Variants in TEX26 observed in about 807,000 individuals in gnomAD.
The protein encoded by TEX26 is testis expressed 26.
TEX26 carries 34 observed loss-of-function variants against 35.3 expected under a neutral mutation model. That is an observed-to-expected ratio of 0.96 (90% confidence interval 0.73 to 1.28). The LOEUF (loss-of-function observed/expected upper bound fraction) is 1.28. Among genes scored for constraint, TEX26 ranks in the 50% most tolerant of loss-of-function variants. The pLI is 0.00. For synonymous variants in TEX26, 136 were observed against 111.8 expected (o/e 1.22, Z -1.36); for missense variants, 371 against 330.1 (o/e 1.12, Z -0.96).
At chr13:30,955,093 G>T in intron 3 of TEX26, among the ~76,000 whole-genome samples, 1 of 124,448 alleles carries the variant, frequency 8.0e-6, no homozygotes, top group East Asian at 2.1e-4. Context: ...CTAATCTTTT[G>T]GCTTCCCTGG....
chr13:30,948,695 GTTCACTCTGATGGTGGT>G (rs1953809270), intron 2 of TEX26, among the ~76,000 whole-genome samples: 1 of 152,104 alleles, frequency 6.6e-6, no homozygotes, highest in African/African-American at 2.4e-5. Context: ...TAGGTTGCCT[GTTCACTCTGATGGTGGT>G]TTCTTTTGCT....
At chr13:30,937,784 A>T (rs1172876704) in intron 1 of TEX26, among the ~76,000 whole-genome samples, 1 of 152,158 alleles carries the variant, frequency 6.6e-6, no homozygotes, top group Admixed American at 6.5e-5. Flanking sequence ...TCTTAAGTGG[A>T]GGTAGAACTT....
intron 4 of TEX26, among the ~76,000 whole-genome samples, chr13:30,964,434 G>A (rs1245377107): frequency 3.3e-5 from 5 of 152,144 alleles, no homozygotes; most frequent in African/African-American, 9.7e-5. Flanking sequence ...TTGTCTTAAG[G>A]TAGAACAATG....
chr13:30,969,410 T>A (rs1954644823), intron 6 of TEX26, among the ~76,000 whole-genome samples: 1 of 152,248 alleles, frequency 6.6e-6, no homozygotes. Flanking sequence ...TTTTGTCTAA[T>A]CTTTATTTTC....
intron 4 of TEX26, among the ~76,000 whole-genome samples, chr13:30,958,001 G>C (rs1219346403): frequency 6.6e-6 from 1 of 152,212 alleles, no homozygotes; most frequent in Non-Finnish European, 1.5e-5. Context: ...TCCTTTGTTA[G>C]AGATGAAAAG....
Position 30,974,985 on chromosome 13 carries a change from A to G in TEX26, c.*78A>G. The G allele has an allele frequency of 2.9e-6, 3 of 1,022,910 alleles. No individual in the cohort carries two copies. The allele number at this position is 1,022,910 out of a possible 1,614,324, so 63.4% of individuals were successfully genotyped here. ...GACATTCCTAGTCATTTTCTCAATTATCAAGGAAAAATAAGATGCAAATAG... is the reference window on the plus strand; with the variant it reads ...GACATTCCTAGTCATTTTCTCAATTGTCAAGGAAAAATAAGATGCAAATAG... On this transcript the variant is annotated 3_prime_UTR_variant, in exon 7 of 7. Transcript: ENST00000380473.
At chr13:30,937,439 G>C (rs949086632) in intron 1 of TEX26, among the ~76,000 whole-genome samples, 24 of 152,180 alleles carry the variant, frequency 1.6e-4, no homozygotes, top group African/African-American at 5.3e-4. Context: ...TTTATGTGTG[G>C]CTTTTGTGCA....
At chr13:30,938,349 T>C (rs2313006) in intron 1 of TEX26, among the ~76,000 whole-genome samples, 53,310 of 152,058 alleles carry the variant, frequency 0.35, 9,419 homozygotes, top group East Asian at 0.45. Context: ...GAATACTACA[T>C]ACTGGGTAAT....
rs144761628 is a variant in TEX26 at position 30,968,946 on chromosome 13, C to T, written c.708C>T (p.Tyr236=). The T allele has an allele frequency of 2.5e-6, 4 of 1,613,980 alleles. No homozygotes were observed. The highest frequency in any genetic ancestry group is 3.4e-6 in the Non-Finnish European group (4 of 1,179,994). Residue 236 remains tyrosine, a synonymous_variant, in exon 6 of 7, where the codon TAC becomes TAT. Transcript: ENST00000380473. The part of the protein sequence containing the change: ...NQEHTKKQTT[Y]QSDYDKTYPD... The stretch of plus-strand genomic sequence containing the variant: ...AGCACACAAAGAAACAGACCACATA[C>T]CAAAGTGACTACGACAAAACCTACC...
chr13:30,968,877 T>G lies in TEX26; in HGVS notation c.647-8T>G. On this transcript the variant is annotated splice_polypyrimidine_tract_variant and splice_region_variant and intron_variant, in intron 5 of 6. Transcript: ENST00000380473. ...TTCCGACCTCTCCTCCCCTGTGTAT[T>G]TCTATAGTGCCTTCTGTGCTGCACA... The G allele has an allele frequency of 6.2e-7, 1 of 1,611,850 alleles. No individual in the cohort carries two copies. Among genetic ancestry groups the G allele is most frequent in the East Asian group, 2.2e-5 (1 of 44,862 alleles).
chr13:30,952,718 C>G lies in TEX26; in HGVS notation c.205C>G (p.Gln69Glu), dbSNP rs373675908. 10 of 1,611,810 alleles carry G rather than the reference C, an allele frequency of 6.2e-6. No individual in the cohort carries two copies. In the East Asian group the frequency reaches 1.6e-4, roughly 25 times the overall value. ...TTCACTTAGTGATCCTATTCTCAAT[C>G]AGACACAATATAGTGATGAGTACAC... is the stretch of plus-strand genomic sequence containing the variant. ...TYSLSDPILN[Q>E]TQYSDEYTWK... Residue 69 changes from glutamine (Q) to glutamate (E), a missense_variant, in exon 3 of 7, where the codon CAG becomes GAG. Coordinates refer to ENST00000380473, the MANE Select transcript of TEX26 (RefSeq NM_152325.3).
At chr13:30,951,908 C>T (rs1289586085) in intron 2 of TEX26, among the ~76,000 whole-genome samples, 1 of 146,568 alleles carries the variant, frequency 6.8e-6, no homozygotes, top group Non-Finnish European at 1.5e-5. Context: ...TTGTCTCTTA[C>T]CTCATTTAAT....
intron 2 of TEX26, among the ~76,000 whole-genome samples, chr13:30,942,441 C>A (rs917651213): frequency 2.0e-4 from 30 of 152,000 alleles, no homozygotes; most frequent in Admixed American, 1.3e-4. Flanking sequence ...TCACAGTTTG[C>A]AAATATTTTT....
chr13:30,973,807 G>C (rs1954788117), intron 6 of TEX26, among the ~76,000 whole-genome samples: 1 of 152,036 alleles, frequency 6.6e-6, no homozygotes, highest in Admixed American at 6.6e-5. Context: ...GGTGATAACT[G>C]CTGGGAGTGA....
chr13:30,936,289 G>A (rs747838708), intron 1 of TEX26, among the ~76,000 whole-genome samples: 1 of 152,136 alleles, frequency 6.6e-6, no homozygotes, highest in Admixed American at 6.5e-5. Flanking sequence ...ACATCCAGTG[G>A]ATTGTCAAGG....
intron 1 of TEX26, among the ~76,000 whole-genome samples, chr13:30,939,310 G>T (rs1344926138): frequency 6.6e-6 from 1 of 152,180 alleles, no homozygotes; most frequent in Non-Finnish European, 1.5e-5. Context: ...TGTGTGTAAA[G>T]TCATTCCGTG....
intron 2 of TEX26, among the ~76,000 whole-genome samples, chr13:30,946,114 A>G (rs1037619996): frequency 3.3e-5 from 5 of 151,918 alleles, no homozygotes; most frequent in Admixed American, 3.3e-4. Flanking sequence ...GCCATTCTAC[A>G]TAATCCCATA....
At chr13:30,962,204 T>A (rs17075216) in intron 4 of TEX26, among the ~76,000 whole-genome samples, 16,973 of 152,232 alleles carry the variant, frequency 0.11, 3,154 homozygotes, top group African/African-American at 0.39. Context: ...ATGTGCAAAC[T>A]GATGTCACTT....
intron 4 of TEX26, 83 bp from the exon 5 acceptor site, chr13:30,966,139 A>G (rs1388852802): frequency 6.8e-7 from 1 of 1,478,754 alleles, no homozygotes; most frequent in Non-Finnish European, 9.3e-7. Context: ...CACATTGACC[A>G]TACCTCTAAA....
Sources: allele counts gnomAD v4.1 joint callset (sites outside exome capture counted in the v4.1 genomes callset), GRCh38; gene constraint gnomAD v4.1.1; transcripts MANE v1.5; gene names NCBI Gene and HGNC (gene_info 2026-07-23, HGNC 2026-07-21).